CPQ: variants seen among roughly 807,000 people sequenced by gnomAD.
CPQ encodes the protein Ser-Met dipeptidase.
In CPQ, 37 loss-of-function variants were observed where a neutral mutation model predicts 45.7. That is an observed-to-expected ratio of 0.81 (90% CI 0.62 to 1.07). CPQ has a LOEUF of 1.07. CPQ is among the 50% of genes least tolerant of loss of function. The pLI is 0.00. For synonymous variants in CPQ, 186 were observed against 205.8 expected, an observed-to-expected ratio of 0.90 and a Z score of 0.82; for missense variants, 537 against 572.9, an observed-to-expected ratio of 0.94 and a Z score of 0.64.
At chr8:96,867,076 C>T (rs967445639) in intron 3 of CPQ, among the ~76,000 whole-genome samples, 43 of 152,214 alleles carry the variant, frequency 2.8e-4, no homozygotes, top group Admixed American at 9.8e-4. Flanking sequence ...TTCCTATCAT[C>T]ACCTGTTTTC....
intron 5 of CPQ, among the ~76,000 whole-genome samples, chr8:96,977,019 AG>A (rs1788100379): frequency 6.6e-6 from 1 of 152,196 alleles, no homozygotes; most frequent in African/African-American, 2.4e-5. Context: ...TAAACTAAAA[AG>A]CTTCTGCACA....
rs544576464 is a variant in CPQ at position 96,877,373 on chromosome 8, G to C, written c.642-2425G>C. Among the ~76,000 whole-genome samples, 9 of 152,248 alleles carry C rather than the reference G, an allele frequency of 5.9e-5. No individual in the cohort carries two copies. The South Asian group carries it at 1.9e-3, about 32-fold the overall frequency. On this transcript the variant is annotated intron_variant, in intron 3 of 7. Transcript: ENST00000220763. ...GTCCCCACTTTAAGAAGTCTTACCA[G>C]TAACCTATAAGTACAAATCTGTCTA...
chr8:96,781,563 A>G (rs955514560), intron 1 of CPQ, among the ~76,000 whole-genome samples: 1 of 152,206 alleles, frequency 6.6e-6, no homozygotes, highest in South Asian at 2.1e-4. Context: ...AAATTTCAAC[A>G]TGAATTTGGA....
intron 5 of CPQ, among the ~76,000 whole-genome samples, chr8:97,021,123 A>T (rs1374219188): frequency 2.0e-5 from 3 of 152,236 alleles, no homozygotes; most frequent in African/African-American, 7.2e-5. Context: ...AACAAAAATT[A>T]CATGATCATC....
intron 5 of CPQ, among the ~76,000 whole-genome samples, chr8:97,023,016 T>TATACTATATAC (rs1554584143): frequency 1.5e-5 from 2 of 133,656 alleles, no homozygotes; most frequent in Admixed American, 7.6e-5. Context: ...ATACTATATA[T>TATACTATATAC]AGTATATATA....
At chr8:96,711,821 A>C (rs1046564954) in intron 1 of CPQ, among the ~76,000 whole-genome samples, 6 of 152,056 alleles carry the variant, frequency 3.9e-5, no homozygotes, top group African/African-American at 1.4e-4. Context: ...CCCAAATCTC[A>C]TGTCCACATA....
chr8:97,116,682 A>G (rs1391337666), intron 7 of CPQ, among the ~76,000 whole-genome samples: 1 of 152,224 alleles, frequency 6.6e-6, no homozygotes, highest in Non-Finnish European at 1.5e-5. Context: ...CCGTGGCAGG[A>G]ACATTAACTC....
chr8:96,674,480 T>A (rs1563698745), intron 1 of CPQ, among the ~76,000 whole-genome samples: 1 of 152,116 alleles, frequency 6.6e-6, no homozygotes, highest in Non-Finnish European at 1.5e-5. Flanking sequence ...TTTAAAGAAA[T>A]GCTTGTAGAG....
chr8:96,667,103 A>G (rs1045701800), intron 1 of CPQ, among the ~76,000 whole-genome samples: 1 of 150,320 alleles, frequency 6.7e-6, no homozygotes, highest in African/African-American at 2.5e-5. Context: ...TTCTCCCACA[A>G]AAAAATCTAC....
Position 96,657,958 on chromosome 8 carries a change from T to C in CPQ, c.-35+12556T>C, listed in dbSNP as rs1215857254. Among the ~76,000 whole-genome samples the C allele has an allele frequency of 2.6e-5, 4 of 152,360 alleles. No homozygotes were observed. The East Asian group carries it at 7.7e-4, about 29-fold the overall frequency. On this transcript the variant is annotated intron_variant, in intron 1 of 7. Coordinates refer to ENST00000220763, the MANE Select transcript of CPQ (RefSeq NM_016134.4). ...TTCTTTTTTCATTATCAAAATACAT[T>C]GGATCTATGTTATTCATAACTAATC...
intron 1 of CPQ, among the ~76,000 whole-genome samples, chr8:96,771,226 A>G (rs1411438365): frequency 2.0e-5 from 3 of 151,430 alleles, no homozygotes; most frequent in Non-Finnish European, 4.4e-5. Flanking sequence ...TTAAATAATA[A>G]CTATGGAAGT....
intron 1 of CPQ, among the ~76,000 whole-genome samples, chr8:96,661,543 T>C (rs1166722136): frequency 6.6e-6 from 1 of 152,222 alleles, no homozygotes; most frequent in Non-Finnish European, 1.5e-5. Flanking sequence ...ATACAGTATG[T>C]AGTCTTTTCA....
At chr8:96,777,154 G>A (rs1459153963) in intron 1 of CPQ, among the ~76,000 whole-genome samples, 1 of 152,030 alleles carries the variant, frequency 6.6e-6, no homozygotes, top group Non-Finnish European at 1.5e-5. Flanking sequence ...TCTTTTATAG[G>A]CACAGATGTT....
At chr8:96,961,466 T>A (rs1401925383) in intron 4 of CPQ, among the ~76,000 whole-genome samples, 1 of 152,184 alleles carries the variant, frequency 6.6e-6, no homozygotes, top group Non-Finnish European at 1.5e-5. Context: ...GTTATATATA[T>A]TGTAAATGTC....
chr8:96,831,230 ATGTG>A (rs112839062), intron 2 of CPQ, among the ~76,000 whole-genome samples: 254 of 149,798 alleles, frequency 1.7e-3, no homozygotes, highest in African/African-American at 5.5e-3. Context: ...GGTTATGGGT[ATGTG>A]TGTGTGTGTG....
chr8:96,795,594 T>C (rs1169971814), intron 2 of CPQ, among the ~76,000 whole-genome samples: 4 of 152,354 alleles, frequency 2.6e-5, no homozygotes, highest in Middle Eastern at 3.4e-3. Context: ...TTTTATCTTA[T>C]ATATCATGAA....
At chr8:96,902,247 T>A (rs1409917606) in intron 4 of CPQ, among the ~76,000 whole-genome samples, 1 of 152,216 alleles carries the variant, frequency 6.6e-6, no homozygotes, top group African/African-American at 2.4e-5. Flanking sequence ...TTTATATATG[T>A]AAGTCGTAAT....
intron 1 of CPQ, among the ~76,000 whole-genome samples, chr8:96,752,177 T>G (rs1001482561): frequency 6.6e-6 from 1 of 152,206 alleles, no homozygotes; most frequent in Non-Finnish European, 1.5e-5. Flanking sequence ...AGAATGTCGG[T>G]AGTTTAATGG....
chr8:96,697,569 T>A (rs931079321), intron 1 of CPQ, among the ~76,000 whole-genome samples: 21 of 152,142 alleles, frequency 1.4e-4, no homozygotes, highest in Non-Finnish European at 1.8e-4. Flanking sequence ...GAAGTCAAAT[T>A]ATCTTTGTTT....
Sources: gnomAD v4.1 joint callset for allele counts (sites outside exome capture counted in the v4.1 genomes callset) on GRCh38, gnomAD v4.1.1 for gene constraint, MANE v1.5 for transcripts, NCBI Gene and HGNC (gene_info 2026-07-23, HGNC 2026-07-21) for gene names.